CCDC148: variants seen among roughly 807,000 people sequenced by gnomAD.
The protein encoded by CCDC148 is coiled-coil domain-containing protein 148.
In CCDC148, 89 loss-of-function variants were observed where a neutral mutation model predicts 85.7. That is an observed-to-expected ratio of 1.04 (90% CI 0.87 to 1.24). The LOEUF (loss-of-function observed/expected upper bound fraction) is 1.24, where lower values mean the gene tolerates loss of function less well. Among genes scored for constraint, CCDC148 ranks in the 50% most tolerant of loss-of-function variants. The pLI, the probability that CCDC148 is intolerant of heterozygous loss-of-function variation, is 0.00. For missense variants in CCDC148, 692 were observed against 671.7 expected (o/e 1.03, Z -0.33); for synonymous variants, 230 against 213.9 (o/e 1.08, Z -0.66).
At chr2:158,452,141 C>T (rs531467590) in intron 1 of CCDC148, among the ~76,000 whole-genome samples, 70 of 152,240 alleles carry the variant, frequency 4.6e-4, no homozygotes, top group Middle Eastern at 6.8e-3. Context: ...GTACACAAAG[C>T]CTTCACAAAT....
chr2:158,367,144 G>A (rs1413765212), intron 1 of CCDC148, among the ~76,000 whole-genome samples: 2 of 152,160 alleles, frequency 1.3e-5, no homozygotes, highest in Admixed American at 6.6e-5. Context: ...ATGACAAGGA[G>A]CAAGACCACA....
At position 158,365,557 on chromosome 2, in the gene CCDC148, C is replaced by A. The variant is rs571418087; in HGVS notation, c.26-6987G>T. On this transcript the variant is annotated intron_variant, in intron 1 of 13. Transcript: ENST00000283233. ...CACTCTCAGCAAACTAACACAAGAA[C>A]AGCAAACCAAACACAGCATATTTTC... Among the ~76,000 whole-genome samples, 513 of 152,186 alleles carry A rather than the reference C, an allele frequency of 3.4e-3. 4 individuals carry two copies. The highest frequency in any genetic ancestry group is 0.012 in the African/African-American group (491 of 41,514).
chr2:158,278,838 C>T (rs564521222), intron 9 of CCDC148, among the ~76,000 whole-genome samples: 25 of 152,290 alleles, frequency 1.6e-4, no homozygotes, highest in South Asian at 6.2e-4. Flanking sequence ...AGTGGGTCTC[C>T]GACCCCTGAC....
rs35617573 is a variant in CCDC148, at chr2:158,250,862, T to C, written c.1161A>G (p.Glu387=). The change falls in exon 10 of 14, where the codon GAA becomes GAG. Residue 387 remains glutamate (E), a synonymous_variant. Coordinates refer to ENST00000283233, the MANE Select transcript of CCDC148 (RefSeq NM_138803.4). ...HQEEVARLEM[E]ISARRREKEE... ...CCTTTTCTCTTCTTCTGGCAGAAATTTCCATTTCCAGTCTTGCTACCTCTT... is the reference window on the plus strand; with the variant it reads ...CCTTTTCTCTTCTTCTGGCAGAAATCTCCATTTCCAGTCTTGCTACCTCTT... The C allele has an allele frequency of 6.9e-4, 1,114 of 1,608,514 alleles. 8 individuals are homozygous for C. The African/African-American group carries it at 0.013, about 19-fold the overall frequency.
At chr2:158,329,370 G>T (rs556019840) in intron 7 of CCDC148, among the ~76,000 whole-genome samples, 1 of 152,074 alleles carries the variant, frequency 6.6e-6, no homozygotes. Context: ...TTCCATTGAT[G>T]CATATCTCTG....
chr2:158,325,476 C>T (rs1425442381), intron 7 of CCDC148, among the ~76,000 whole-genome samples: 2 of 152,152 alleles, frequency 1.3e-5, no homozygotes, highest in Non-Finnish European at 2.9e-5. Context: ...GTTGGCAGGC[C>T]TAAGGGATCA....
At chr2:158,275,378 T>C (rs1276433392) in intron 9 of CCDC148, among the ~76,000 whole-genome samples, 3 of 152,236 alleles carry the variant, frequency 2.0e-5, no homozygotes, top group Non-Finnish European at 4.4e-5. Flanking sequence ...GTGATTGTTA[T>C]ATTATTTAGG....
chr2:158,203,046 T>C (rs1373773479), intron 11 of CCDC148, among the ~76,000 whole-genome samples: 1 of 152,126 alleles, frequency 6.6e-6, no homozygotes, highest in African/African-American at 2.4e-5. Context: ...CTGCTGTAAG[T>C]AGGGAGGCTT....
chr2:158,346,462 G>T (rs1168668276), intron 2 of CCDC148, among the ~76,000 whole-genome samples: 1 of 152,120 alleles, frequency 6.6e-6, no homozygotes, highest in Non-Finnish European at 1.5e-5. Flanking sequence ...ACTGATGGCA[G>T]TGATTTCCTG....
chr2:158,196,238 A>C (rs1016799670), intron 11 of CCDC148, among the ~76,000 whole-genome samples: 1 of 152,192 alleles, frequency 6.6e-6, no homozygotes, highest in Non-Finnish European at 1.5e-5. Flanking sequence ...ACTGTGTTTT[A>C]CTATTATCTA....
At chr2:158,332,101 T>C (rs906935618) in intron 7 of CCDC148, among the ~76,000 whole-genome samples, 3 of 152,144 alleles carry the variant, frequency 2.0e-5, no homozygotes, top group African/African-American at 4.8e-5. Flanking sequence ...CTTCCTAGCC[T>C]TGATGGTCTT....
intron 10 of CCDC148, among the ~76,000 whole-genome samples, chr2:158,250,035 T>TA (rs1197437032): frequency 6.6e-6 from 1 of 152,090 alleles, no homozygotes; most frequent in Non-Finnish European, 1.5e-5. Context: ...CCACTCCATT[T>TA]AAAAAATGGT....
intron 11 of CCDC148, among the ~76,000 whole-genome samples, chr2:158,209,238 T>C (rs901136641): frequency 6.6e-6 from 1 of 152,172 alleles, no homozygotes. Context: ...AAAGCTACCA[T>C]GTTATTTCTC....
At chr2:158,188,619 A>C (rs1685267553) in intron 11 of CCDC148, among the ~76,000 whole-genome samples, 1 of 152,056 alleles carries the variant, frequency 6.6e-6, no homozygotes, top group African/African-American at 2.4e-5. Context: ...CTTAAGAATA[A>C]GAAATCAAAC....
At chr2:158,332,066 T>G (rs1693161017) in intron 7 of CCDC148, among the ~76,000 whole-genome samples, 1 of 152,154 alleles carries the variant, frequency 6.6e-6, no homozygotes, top group East Asian at 1.9e-4. Context: ...TAGCTGGTTA[T>G]TTTGCTCGTT....
chr2:158,244,878 T>C (rs916196492), intron 10 of CCDC148, among the ~76,000 whole-genome samples: 1 of 152,164 alleles, frequency 6.6e-6, no homozygotes, highest in Non-Finnish European at 1.5e-5. Context: ...CCCTTTAAAT[T>C]CAACAATCCT....
intron 9 of CCDC148, among the ~76,000 whole-genome samples, chr2:158,282,936 G>C (rs1472421498): frequency 2.6e-5 from 4 of 152,248 alleles, no homozygotes; most frequent in Non-Finnish European, 4.4e-5. Context: ...CAGAGATATA[G>C]ATCAATGGAA....
At chr2:158,438,899 A>G (rs1363790300) in intron 1 of CCDC148, among the ~76,000 whole-genome samples, 1 of 152,230 alleles carries the variant, frequency 6.6e-6, no homozygotes, top group Non-Finnish European at 1.5e-5. Context: ...TGGCCATCAG[A>G]GAAATGCAAA....
At position 158,435,492 on chromosome 2, in the gene CCDC148, A is replaced by G. The variant is rs1316115340; in HGVS notation, c.25+20923T>C. Among the ~76,000 whole-genome samples the G allele has an allele frequency of 3.9e-5, 6 of 152,260 alleles. No individual in the cohort carries two copies. In the East Asian group the frequency reaches 1.2e-3, roughly 29 times the overall value. ...CCTGAAGGAAGCAATAAACATGGAA[A>G]GCAACAACTGGTACTGGCCACTGCA... On this transcript the variant is annotated intron_variant, in intron 1 of 13. Transcript: ENST00000283233.
Sources: allele counts gnomAD v4.1 joint callset (sites outside exome capture counted in the v4.1 genomes callset), GRCh38; gene constraint gnomAD v4.1.1; transcripts MANE v1.5; gene names NCBI Gene and HGNC (gene_info 2026-07-23, HGNC 2026-07-21).